Variants in GPC5 observed in about 807,000 individuals in gnomAD.
GPC5 encodes glypican 5.
Under a neutral mutation model 53.9 loss-of-function variants are expected in GPC5, and 47 were observed. The observed-to-expected ratio is 0.87, with a 90% CI of 0.69 to 1.11. The LOEUF (loss-of-function observed/expected upper bound fraction) is 1.11. Among genes scored for constraint, GPC5 ranks in the 50% most tolerant of loss-of-function variants. The pLI, the probability that GPC5 is intolerant of heterozygous loss-of-function variation, is 0.00. For missense variants in GPC5, 748 were observed against 713.1 expected, an observed-to-expected ratio of 1.05 and a Z score of -0.56; for synonymous variants, 286 against 263.3, an observed-to-expected ratio of 1.09 and a Z score of -0.84.
At chr13:91,869,250 G>A (rs1377629954) in intron 5 of GPC5, among the ~76,000 whole-genome samples, 1 of 151,968 alleles carries the variant, frequency 6.6e-6, no homozygotes, top group Non-Finnish European at 1.5e-5. Context: ...TACTAGAGAT[G>A]GGATTTCACC....
chr13:92,192,463 A>G (rs892831064), intron 7 of GPC5, among the ~76,000 whole-genome samples: 1 of 152,190 alleles, frequency 6.6e-6, no homozygotes, highest in Non-Finnish European at 1.5e-5. Flanking sequence ...CATTTTATGG[A>G]CTAGGTTTAG....
At chr13:92,280,480 G>A (rs1455330647) in intron 7 of GPC5, among the ~76,000 whole-genome samples, 1 of 152,026 alleles carries the variant, frequency 6.6e-6, no homozygotes, top group Admixed American at 6.6e-5. Context: ...TTAAATGTAG[G>A]CATTTATAGC....
chr13:92,783,366 A>ATGTT (rs761315548), intron 7 of GPC5, among the ~76,000 whole-genome samples: 2 of 152,146 alleles, frequency 1.3e-5, no homozygotes, highest in East Asian at 1.9e-4. Flanking sequence ...ACTGGATTAA[A>ATGTT]TGTTTGATGA....
intron 7 of GPC5, among the ~76,000 whole-genome samples, chr13:92,506,281 A>T (rs1880365893): frequency 6.6e-6 from 1 of 152,144 alleles, no homozygotes; most frequent in Non-Finnish European, 1.5e-5. Flanking sequence ...CTTTTTCAAA[A>T]ACTTCATATG....
intron 5 of GPC5, among the ~76,000 whole-genome samples, chr13:91,786,919 T>C (rs2037887958): frequency 6.6e-6 from 1 of 150,984 alleles, no homozygotes; most frequent in South Asian, 2.1e-4. Flanking sequence ...GCACATCTTT[T>C]GTTACATTTA....
At position 92,663,844 on chromosome 13, in the gene GPC5, TAC is replaced by T. The variant is rs1183140498; in HGVS notation, c.1562-202427_1562-202426del. ...TATATATACACACACTATATATATA[TAC>T]ACACACACACTATATATATATATAT... On this transcript the variant is annotated intron_variant, in intron 7 of 7. Coordinates refer to ENST00000377067, the MANE Select transcript of GPC5 (RefSeq NM_004466.6). 2.3e-3 allele frequency among the ~76,000 whole-genome samples: 216 copies of T among 94,182 alleles called. 1 individual carries two copies. Among genetic ancestry groups the T allele is most frequent in the African/African-American group, 8.0e-3 (209 of 25,966 alleles). 61.8% of individuals were successfully genotyped at this position (94,182 alleles called of 152,430 possible).
chr13:92,843,925 T>G (rs1878515201), intron 7 of GPC5, among the ~76,000 whole-genome samples: 1 of 151,694 alleles, frequency 6.6e-6, no homozygotes, highest in African/African-American at 2.4e-5. Flanking sequence ...GGACCTCATA[T>G]GTCACGATTT....
chr13:91,540,507 T>G (rs1466645230), intron 2 of GPC5, among the ~76,000 whole-genome samples: 1 of 152,176 alleles, frequency 6.6e-6, no homozygotes, highest in African/African-American at 2.4e-5. Context: ...GGGTGTTTTT[T>G]GGGGGTGATG....
chr13:91,566,430 G>A (rs764937194), intron 2 of GPC5, among the ~76,000 whole-genome samples: 2 of 152,090 alleles, frequency 1.3e-5, no homozygotes, highest in Non-Finnish European at 2.9e-5. Context: ...CGGGCGTGGT[G>A]GTGCACGCCA....
At chr13:92,457,940 G>A (rs755445638) in intron 7 of GPC5, among the ~76,000 whole-genome samples, 4 of 152,062 alleles carry the variant, frequency 2.6e-5, no homozygotes, top group Admixed American at 6.6e-5. Context: ...TCTGTCCTGC[G>A]TTGTACCTAC....
intron 7 of GPC5, among the ~76,000 whole-genome samples, chr13:92,711,398 T>TATTTATCATTTAAATATACCC (rs1354428654): frequency 6.6e-6 from 1 of 152,160 alleles, no homozygotes; most frequent in Admixed American, 6.5e-5. Flanking sequence ...TGGTAGAAAA[T>TATTTATCATTTAAATATACCC]ATTTATCATT....
At chr13:92,127,143 A>G (rs1318954829) in intron 6 of GPC5, among the ~76,000 whole-genome samples, 2 of 152,128 alleles carry the variant, frequency 1.3e-5, no homozygotes, top group African/African-American at 4.8e-5. Context: ...AGTTTGAGGA[A>G]ACAGCGAAAA....
chr13:92,269,272 C>T (rs1488501175), intron 7 of GPC5, among the ~76,000 whole-genome samples: 2 of 151,720 alleles, frequency 1.3e-5, no homozygotes, highest in Non-Finnish European at 2.9e-5. Context: ...ATTGAAATAC[C>T]CCAATTTTTA....
At chr13:92,276,980 C>T (rs562058657) in intron 7 of GPC5, among the ~76,000 whole-genome samples, 9 of 151,716 alleles carry the variant, frequency 5.9e-5, no homozygotes, top group African/African-American at 2.2e-4. Context: ...GTAAACATTA[C>T]TTTTAGTCTC....
intron 7 of GPC5, among the ~76,000 whole-genome samples, chr13:92,490,813 T>G (rs1401895165): frequency 6.6e-6 from 1 of 152,112 alleles, no homozygotes; most frequent in Admixed American, 6.6e-5. Context: ...AAAGATATAT[T>G]GGGTTGAACC....
intron 6 of GPC5, among the ~76,000 whole-genome samples, chr13:92,118,638 T>C (rs2041619705): frequency 6.6e-6 from 1 of 152,076 alleles, no homozygotes; most frequent in Non-Finnish European, 1.5e-5. Flanking sequence ...TTGCACACCA[T>C]GGGTTAGAAA....
At chr13:92,469,975 G>C (rs1420348476) in intron 7 of GPC5, among the ~76,000 whole-genome samples, 1 of 152,060 alleles carries the variant, frequency 6.6e-6, no homozygotes, top group Non-Finnish European at 1.5e-5. Flanking sequence ...GTTATAGTCT[G>C]GTGAATATTT....
intron 2 of GPC5, among the ~76,000 whole-genome samples, chr13:91,603,137 A>G (rs987220108): frequency 1.3e-5 from 2 of 152,212 alleles, no homozygotes; most frequent in Non-Finnish European, 2.9e-5. Flanking sequence ...ATGACTGGCC[A>G]TGTATTACTG....
At chr13:92,764,823 T>C (rs1379403637) in intron 7 of GPC5, among the ~76,000 whole-genome samples, 1 of 152,164 alleles carries the variant, frequency 6.6e-6, no homozygotes, top group Non-Finnish European at 1.5e-5. Flanking sequence ...TTTGCTGATG[T>C]CATTCTCCCC....
Sources: allele counts gnomAD v4.1 joint callset (sites outside exome capture counted in the v4.1 genomes callset), GRCh38; gene constraint gnomAD v4.1.1; transcripts MANE v1.5; gene names NCBI Gene and HGNC (gene_info 2026-07-23, HGNC 2026-07-21).